WDR20: variants seen among roughly 807,000 people sequenced by gnomAD.
WDR20 encodes WD repeat domain 20.
Under a neutral mutation model 38.7 loss-of-function variants are expected in WDR20, and 3 were observed. The observed-to-expected ratio is 0.08, with a 90% confidence interval of 0.04 to 0.20. WDR20 has a LOEUF of 0.20. WDR20 is among the 10% of genes least tolerant of loss of function. WDR20 has a pLI of 1.00. For missense variants in WDR20, 559 were observed against 727.7 expected, an observed-to-expected ratio of 0.77 and a Z score of 2.67; for synonymous variants, 298 against 285.6, an observed-to-expected ratio of 1.04 and a Z score of -0.44.
intron 2 of WDR20, chr14:102,198,290 G>C (rs143242774): frequency 2.9e-6 from 1 of 346,962 alleles, no homozygotes; most frequent in African/African-American, 2.2e-5. Flanking sequence ...ACTAATTTTT[G>C]TATTTTTAGT....
At chr14:102,150,919 C>T (rs910476622) in intron 1 of WDR20, among the ~76,000 whole-genome samples, 5 of 152,148 alleles carry the variant, frequency 3.3e-5, no homozygotes, top group African/African-American at 7.2e-5. Flanking sequence ...TAATCAAGGG[C>T]TTATTCATTC....
At chr14:102,193,319 C>A in intron 1 of WDR20, 1 of 733,206 alleles carries the variant, frequency 1.4e-6, no homozygotes, top group Non-Finnish European at 2.2e-6. Context: ...TGCCTTCAGC[C>A]TGCCTTGCTG....
intron 1 of WDR20, among the ~76,000 whole-genome samples, chr14:102,142,755 G>A (rs1259052481): frequency 2.1e-5 from 3 of 142,380 alleles, no homozygotes; most frequent in Non-Finnish European, 3.0e-5. Context: ...CATGCCCAGC[G>A]CACAGTTGGC....
At chr14:102,193,183 G>A (rs2058819763) in intron 1 of WDR20, among the ~76,000 whole-genome samples, 1 of 148,346 alleles carries the variant, frequency 6.7e-6, no homozygotes, top group Non-Finnish European at 1.5e-5. Flanking sequence ...AATGGCATGT[G>A]GTGTTCTCTC....
intron 2 of WDR20, among the ~76,000 whole-genome samples, chr14:102,204,320 G>A (rs957461535): frequency 6.6e-6 from 1 of 152,160 alleles, no homozygotes. Context: ...TTGCTCAGCT[G>A]TCCAGCACCA....
intron 1 of WDR20, among the ~76,000 whole-genome samples, chr14:102,150,826 C>T (rs896825269): frequency 1.3e-5 from 2 of 152,214 alleles, no homozygotes; most frequent in East Asian, 1.9e-4. Flanking sequence ...GATATTCACA[C>T]ACTCATTCTA....
At position 102,220,885 on chromosome 14, in the gene WDR20, C is replaced by T. The variant is rs2063812660; in HGVS notation, c.1693-1945C>T. 6.6e-6 allele frequency among the ~76,000 whole-genome samples: 1 copy of T among 152,126 alleles called. No individual in the cohort carries two copies. The highest frequency in any genetic ancestry group is 1.5e-5 in the Non-Finnish European group (1 of 68,012). ...CTGGGCTCAAGCCATCCTCCTGCCA[C>T]ACAGCCTCCTGAGTAGCTGGGATGA... On this transcript the variant is annotated intron_variant, in intron 3 of 3. Transcript: ENST00000335263. The surrounding 1 kb of genome is among the most constrained non-coding windows in gnomAD (Gnocchi z 4.2).
At chr14:102,189,664 A>G (rs2065846343) in intron 1 of WDR20, among the ~76,000 whole-genome samples, 1 of 152,236 alleles carries the variant, frequency 6.6e-6, no homozygotes, top group African/African-American at 2.4e-5. Flanking sequence ...GAACTTAGGT[A>G]ATTGATAATA....
chr14:102,173,231 G>C lies in WDR20; in HGVS notation c.250-21707G>C, dbSNP rs1029054940. On this transcript the variant is annotated intron_variant, in intron 1 of 2. Transcript: ENST00000342702. ...GGGTTCAAGTGATTCTTCTGCCTCA[G>C]CCTCACGAGCAGTTGGAACTACAGG... Among the ~76,000 whole-genome samples the C allele has an allele frequency of 1.3e-3, 197 of 151,328 alleles. 8 individuals are homozygous for C. Among genetic ancestry groups the C allele is most frequent in the Non-Finnish European group, 1.9e-4 (13 of 67,696 alleles).
chr14:102,197,894 A>G, intron 2 of WDR20: 1 of 686,386 alleles, frequency 1.5e-6, no homozygotes, highest in Non-Finnish European at 2.7e-6. Context: ...TGTTTCATTC[A>G]TTCAGGACCT....
chr14:102,212,548 A>G, downstream of WDR20: 1 of 1,535,908 alleles, frequency 6.5e-7, no homozygotes. Context: ...AGGCAGGAGG[A>G]CAGGATGCAA....
chr14:102,217,013 G>T (rs181134518), downstream of WDR20, among the ~76,000 whole-genome samples: 1 of 152,204 alleles, frequency 6.6e-6, no homozygotes, highest in South Asian at 2.1e-4. Context: ...CTCTGGAGAC[G>T]AATGGACCAT....
intron 1 of WDR20, among the ~76,000 whole-genome samples, chr14:102,153,476 T>G (rs1247825039): frequency 6.6e-6 from 1 of 151,866 alleles, no homozygotes; most frequent in Non-Finnish European, 1.5e-5. Flanking sequence ...CTGGCTAATT[T>G]TTTGTATTTT....
At chr14:102,194,850 ACAT>A in intron 1 of WDR20, 85 bp from the exon 2 acceptor site, 2 of 1,327,160 alleles carry the variant, frequency 1.5e-6, no homozygotes, top group Non-Finnish European at 2.1e-6. Flanking sequence ...TTAAGATGAA[ACAT>A]CATAATGGAG....
At chr14:102,213,477 A>G, downstream of WDR20, 1 of 985,458 alleles carries the variant, frequency 1.0e-6, no homozygotes, top group South Asian at 4.7e-5. Flanking sequence ...AATGCCTTAA[A>G]AATGGAGGCA....
downstream of WDR20, among the ~76,000 whole-genome samples, chr14:102,217,474 G>A (rs990530437): frequency 6.6e-6 from 1 of 152,168 alleles, no homozygotes; most frequent in Non-Finnish European, 1.5e-5. Context: ...GGCAAGTGTG[G>A]CCCCTCACTG....
intron 1 of WDR20, among the ~76,000 whole-genome samples, chr14:102,147,753 C>CA (rs1330499800): frequency 6.6e-6 from 1 of 152,128 alleles, no homozygotes; most frequent in Admixed American, 6.5e-5. Context: ...GTTTTGGAGA[C>CA]AGAGTCTCAC....
downstream of WDR20, among the ~76,000 whole-genome samples, chr14:102,210,820 C>A (rs1033011137): frequency 1.3e-5 from 2 of 152,174 alleles, no homozygotes; most frequent in Admixed American, 6.5e-5. Flanking sequence ...GCCTGAGACT[C>A]CCCGAGTCTT....
intron 2 of WDR20, among the ~76,000 whole-genome samples, chr14:102,199,176 G>C (rs1400288783): frequency 6.6e-6 from 1 of 151,700 alleles, no homozygotes; most frequent in Non-Finnish European, 1.5e-5. Flanking sequence ...CTGAGGGCTC[G>C]GACACCAGCT....
Sources: gnomAD v4.1 joint callset for allele counts (sites outside exome capture counted in the v4.1 genomes callset) on GRCh38, gnomAD v4.1.1 for gene constraint, Gnocchi (gnomAD v3.1) non-coding constraint, MANE v1.5 for transcripts, NCBI Gene and HGNC (gene_info 2026-07-23, HGNC 2026-07-21) for gene names.